KLHL23: variants seen among roughly 807,000 people sequenced by gnomAD.
The protein encoded by KLHL23 is kelch like family member 23.
KLHL23 carries 33 observed loss-of-function variants against 48.9 expected under a neutral mutation model. The ratio of observed to expected loss-of-function variants is 0.67; its 90% CI spans 0.51 to 0.90. The LOEUF (loss-of-function observed/expected upper bound fraction) is 0.90. Among genes scored for constraint, KLHL23 ranks in the 40% least tolerant of loss-of-function variants. The probability of loss-of-function intolerance (pLI) is 0.00; values close to 1 mark genes in which losing one functional copy is unlikely to be tolerated. For synonymous variants in KLHL23, 234 were observed against 231.6 expected (o/e 1.01, Z -0.09); for missense variants, 608 against 669.6 (o/e 0.91, Z 1.02).
intron 3 of KLHL23, among the ~76,000 whole-genome samples, chr2:169,748,782 C>A (rs1007527228): frequency 3.6e-5 from 4 of 112,116 alleles, no homozygotes; most frequent in East Asian, 3.0e-4. Flanking sequence ...CCCCCCCCCC[C>A]CCCCATATAC....
chr2:169,741,603 A>G, intron 3 of KLHL23, 66 bp downstream of exon 3: 1 of 1,489,672 alleles, frequency 6.7e-7, no homozygotes, highest in Non-Finnish European at 9.0e-7. Context: ...AGGATGGCTA[A>G]AAATGGACTG....
chr2:169,735,260 C>T lies in KLHL23; in HGVS notation c.246C>T (p.Gly82=). ...EKFKNKIKLS[G]IHHDILEGLV... is the part of the protein sequence containing the mutation. Reference sequence around the variant, plus strand: ...TTAAAAATAAAATAAAACTCTCTGGCATCCACCATGATATTCTGGAAGGCC... The same window carrying T: ...TTAAAAATAAAATAAAACTCTCTGGTATCCACCATGATATTCTGGAAGGCC... Residue 82 remains glycine, a synonymous_variant, in exon 2 of 4, where the codon GGC becomes GGT. Transcript: ENST00000392647. This position sits in a 1 kb window ranked among gnomAD's most constrained non-coding sequence, Gnocchi z 4.5. 1.2e-6 allele frequency: 2 copies of T among 1,608,052 alleles called. No homozygotes were observed. Among genetic ancestry groups the T allele is most frequent in the Non-Finnish European group, 8.5e-7 (1 of 1,178,722 alleles).
chr2:169,739,278 T>G (rs1306562534), intron 2 of KLHL23, among the ~76,000 whole-genome samples: 1 of 151,862 alleles, frequency 6.6e-6, no homozygotes, highest in Non-Finnish European at 1.5e-5. Flanking sequence ...CCCTGGCCAG[T>G]AACTAGATCT....
At chr2:169,738,823 A>G (rs143223684) in intron 2 of KLHL23, among the ~76,000 whole-genome samples, 2,210 of 80,240 alleles carry the variant, frequency 0.028, 47 homozygotes, top group East Asian at 0.064. Context: ...CTCCAAACCT[A>G]TTTCCTCCCC....
intron 2 of KLHL23, among the ~76,000 whole-genome samples, chr2:169,740,607 T>C (rs111380233): frequency 0.17 from 25,596 of 149,962 alleles, 2,208 homozygotes; most frequent in Middle Eastern, 0.25. Flanking sequence ...CACCACCACG[T>C]CCTGCTAATT....
At position 169,735,962 on chromosome 2, in the gene KLHL23, A is replaced by G. The variant is rs1007845846; in HGVS notation, c.948A>G (p.Thr316=). ...ATACCAGGGAGAGCTATGGTGTTAC[A>G]TGTTTAGGACCCAACATTTATGTAA... ...PDYTRESYGV[T]CLGPNIYVTG... The change falls in exon 2 of 4, where the codon ACA becomes ACG. Residue 316 remains threonine, a synonymous_variant. Transcript: ENST00000392647. This position sits in a 1 kb window ranked among gnomAD's most constrained non-coding sequence, Gnocchi z 4.5. The G allele has an allele frequency of 6.2e-7, 1 of 1,614,072 alleles. No homozygotes were observed. The highest frequency in any genetic ancestry group is 1.3e-5 in the African/African-American group (1 of 74,942).
intron 3 of KLHL23, among the ~76,000 whole-genome samples, chr2:169,747,275 G>A (rs887445512): frequency 4.6e-5 from 7 of 150,988 alleles, no homozygotes; most frequent in Non-Finnish European, 1.0e-4. Context: ...TGTAATCTTG[G>A]CTACTTGGGT....
At chr2:169,746,304 A>G (rs190377700) in intron 3 of KLHL23, among the ~76,000 whole-genome samples, 17 of 152,266 alleles carry the variant, frequency 1.1e-4, no homozygotes, top group Admixed American at 6.5e-4. Flanking sequence ...AGATCTTAGG[A>G]AAAAAAATTG....
At position 169,749,968 on chromosome 2, in the gene KLHL23, T is replaced by TATATGTGTATACGCATGTATGTATAC; in HGVS notation, c.*240_*241insGTGTATACGCATGTATGTATACATAT. ...ATATGTGTTCATATATATGTATACA[T>TATATGTGTATACGCATGTATGTATAC]ATATATGTGTATATATACGTATGTA... On this transcript the variant is annotated 3_prime_UTR_variant, in exon 4 of 4. Transcript: ENST00000392647. 7.4e-6 allele frequency: 1 copy of TATATGTGTATACGCATGTATGTATAC among 134,336 alleles called. No individual in the cohort carries two copies. The highest frequency in any genetic ancestry group is 7.1e-5 in the Admixed American group (1 of 14,000). The allele number at this position is 134,336 out of a possible 1,614,324, so 8.3% of individuals were successfully genotyped here. A position where few individuals can be genotyped will look rare whatever the true frequency, so the allele number is the denominator to read the frequency against.
intron 1 of KLHL23, among the ~76,000 whole-genome samples, chr2:169,734,295 C>G (rs1688456522): frequency 6.8e-6 from 1 of 147,294 alleles, no homozygotes; most frequent in South Asian, 2.1e-4. Flanking sequence ...CCCACACCTG[C>G]GCGGAGCGCC....
At chr2:169,745,770 C>T (rs7590503) in intron 3 of KLHL23, among the ~76,000 whole-genome samples, 64,357 of 151,844 alleles carry the variant, frequency 0.42, 14,836 homozygotes, top group African/African-American at 0.62. Flanking sequence ...GGTCTCTGGC[C>T]GGTTGTCTGA....
rs58044311 is a variant in KLHL23 at position 169,750,474 on chromosome 2, C to CA, written c.*757dup. On this transcript the variant is annotated 3_prime_UTR_variant, in exon 4 of 4. Coordinates refer to ENST00000392647, the MANE Select transcript of KLHL23 (RefSeq NM_144711.6). ...AGACTAACCTGGCGAGACCCTGTCT[C>CA]AAAAAAAAAAAAAAATCAATTTAGC... The CA allele has an allele frequency of 0.083, 11,531 of 139,134 alleles. 558 individuals are homozygous for CA. Among genetic ancestry groups the CA allele is most frequent in the Middle Eastern group, 0.17 (45 of 268 alleles). The allele number at this position is 139,134 out of a possible 1,614,324, so 8.6% of individuals were successfully genotyped here.
Position 169,751,543 on chromosome 2 carries a change from A to G in KLHL23, c.*1811A>G, listed in dbSNP as rs1165569577. 6.6e-6 allele frequency: 1 copy of G among 152,212 alleles called. No individual in the cohort carries two copies. Among genetic ancestry groups the G allele is most frequent in the Non-Finnish European group, 1.5e-5 (1 of 68,030 alleles). The allele number at this position is 152,212 out of a possible 1,614,324, so 9.4% of individuals were successfully genotyped here. A position where few individuals can be genotyped will look rare whatever the true frequency, so the allele number is the denominator to read the frequency against. On this transcript the variant is annotated 3_prime_UTR_variant, in exon 4 of 4. Transcript: ENST00000392647. ...AGAAAAAAGATAAATGCATGAAGAC[A>G]TTTATGTCTGCATTCTTTATAATAA...
At chr2:169,747,733 T>C (rs1322650796) in intron 3 of KLHL23, among the ~76,000 whole-genome samples, 1 of 152,152 alleles carries the variant, frequency 6.6e-6, no homozygotes, top group Non-Finnish European at 1.5e-5. Context: ...ATTCAACACA[T>C]ATTTATCGAA....
At chr2:169,738,608 T>G (rs1034193239) in intron 2 of KLHL23, among the ~76,000 whole-genome samples, 1 of 152,136 alleles carries the variant, frequency 6.6e-6, no homozygotes, top group African/African-American at 2.4e-5. Flanking sequence ...AAATAAATAC[T>G]TGGCTGTTTA....
At chr2:169,734,838 A>G (rs1440342961) in intron 1 of KLHL23, among the ~76,000 whole-genome samples, 175 bp from the exon 2 acceptor site, 1 of 152,220 alleles carries the variant, frequency 6.6e-6, no homozygotes, top group East Asian at 1.9e-4. Flanking sequence ...CCTGAATTTA[A>G]ATTGACCACC....
chr2:169,749,125 T>C (rs1688877415), intron 3 of KLHL23, among the ~76,000 whole-genome samples: 1 of 152,186 alleles, frequency 6.6e-6, no homozygotes, highest in African/African-American at 2.4e-5. Context: ...GTTGTCTGTG[T>C]TGGGAAATTC....
chr2:169,736,819 C>G (rs1286863752), intron 2 of KLHL23, among the ~76,000 whole-genome samples: 1 of 152,222 alleles, frequency 6.6e-6, no homozygotes, highest in Non-Finnish European at 1.5e-5. Context: ...AAACGGGAAT[C>G]TTATTTCATT....
In KLHL23 at chr2:169,735,782, A is replaced by G. The variant is rs746228605; in HGVS notation, c.768A>G (p.Ile256Met). 5 of 1,614,098 alleles carry G rather than the reference A, an allele frequency of 3.1e-6. No individual in the cohort carries two copies. Among genetic ancestry groups the G allele is most frequent in the South Asian group, 1.1e-5 (1 of 91,076 alleles). Residue 256 changes from isoleucine to methionine, a missense_variant, in exon 2 of 4, where the codon ATA becomes ATG. Physicochemically the swap from Ile to Met is conservative, Grantham distance 10. Coordinates refer to ENST00000392647, the MANE Select transcript of KLHL23 (RefSeq NM_144711.6). This position sits in a 1 kb window ranked among gnomAD's most constrained non-coding sequence, Gnocchi z 4.5. Reference protein sequence around the residue: ...LLTENKIRSLIYNALNPMHKE... With the variant: ...LLTENKIRSLMYNALNPMHKE... ...CCGAAAATAAGATCCGCTCCCTAAT[A>G]TACAATGCCTTGAATCCCATGCATA...
Sources: gnomAD v4.1 joint callset for allele counts (sites outside exome capture counted in the v4.1 genomes callset) on GRCh38, gnomAD v4.1.1 for gene constraint, Gnocchi (gnomAD v3.1) non-coding constraint, MANE v1.5 for transcripts, NCBI Gene and HGNC (gene_info 2026-07-23, HGNC 2026-07-21) for gene names.